The following TRPM3 variants were observed in gnomAD, a reference collection of about 807,000 sequenced individuals.
The protein encoded by TRPM3 is long transient receptor potential channel 3.
TRPM3 carries 77 observed loss-of-function variants against 181.2 expected under a neutral mutation model. The ratio of observed to expected loss-of-function variants is 0.42; its 90% CI spans 0.35 to 0.51. TRPM3 has a LOEUF of 0.51. TRPM3 is among the 20% of genes least tolerant of loss of function. TRPM3 has a pLI of 0.01. For synonymous variants in TRPM3, 745 were observed against 796.4 expected, an observed-to-expected ratio of 0.94 and a Z score of 1.09; for missense variants, 1,759 against 2,196.7, an observed-to-expected ratio of 0.80 and a Z score of 3.98.
intron 1 of TRPM3, among the ~76,000 whole-genome samples, chr9:71,320,412 A>G (rs928560412): frequency 6.6e-6 from 1 of 152,190 alleles, no homozygotes; most frequent in Non-Finnish European, 1.5e-5. Flanking sequence ...GGAAAGGACT[A>G]GACCAACATA....
intron 1 of TRPM3, among the ~76,000 whole-genome samples, chr9:71,299,297 T>C (rs1206487144): frequency 1.3e-5 from 2 of 152,202 alleles, no homozygotes; most frequent in African/African-American, 4.8e-5. Flanking sequence ...GTATTTATTT[T>C]AATCACCCAA....
chr9:71,346,137 G>T (rs1033247333), intron 1 of TRPM3, among the ~76,000 whole-genome samples: 1 of 152,124 alleles, frequency 6.6e-6, no homozygotes, highest in African/African-American at 2.4e-5. Context: ...TCTACCAACA[G>T]ATATGTGGAT....
intron 22 of TRPM3, among the ~76,000 whole-genome samples, chr9:70,559,161 G>C (rs1047018910): frequency 2.0e-5 from 3 of 152,160 alleles, no homozygotes; most frequent in African/African-American, 4.8e-5. Flanking sequence ...TGTCTCTCTT[G>C]TTCACTAAAC....
intron 1 of TRPM3, among the ~76,000 whole-genome samples, chr9:71,237,500 C>T (rs1239467169): frequency 2.0e-5 from 3 of 152,142 alleles, no homozygotes; most frequent in African/African-American, 7.2e-5. Flanking sequence ...ACATTTTCTA[C>T]TTATCATTTA....
chr9:71,319,551 T>C (rs1307356297), intron 1 of TRPM3, among the ~76,000 whole-genome samples: 1 of 151,906 alleles, frequency 6.6e-6, no homozygotes, highest in African/African-American at 2.4e-5. Context: ...TGAGGGTGAG[T>C]CTCTTTATTC....
At chr9:71,352,577 G>A (rs576550362) in intron 1 of TRPM3, among the ~76,000 whole-genome samples, 1 of 152,268 alleles carries the variant, frequency 6.6e-6, no homozygotes, top group East Asian at 1.9e-4. Flanking sequence ...TGGTCACATG[G>A]TTCACATGCA....
At chr9:71,112,358 G>A (rs2071306270) in intron 1 of TRPM3, among the ~76,000 whole-genome samples, 1 of 152,254 alleles carries the variant, frequency 6.6e-6, no homozygotes, top group Non-Finnish European at 1.5e-5. Context: ...GATATCTGGT[G>A]CTACCTACAA....
chr9:71,214,770 G>A (rs2079737281), intron 1 of TRPM3, among the ~76,000 whole-genome samples: 1 of 152,052 alleles, frequency 6.6e-6, no homozygotes, highest in South Asian at 2.1e-4. Context: ...AATATTCCAT[G>A]TATTCTTATA....
intron 1 of TRPM3, among the ~76,000 whole-genome samples, chr9:71,360,601 C>G (rs1261551088): frequency 6.6e-6 from 1 of 152,166 alleles, no homozygotes; most frequent in Non-Finnish European, 1.5e-5. Flanking sequence ...TCATGCTGCT[C>G]TCATGAGCTT....
intron 21 of TRPM3, among the ~76,000 whole-genome samples, chr9:70,597,295 C>CT (rs1185544601): frequency 6.6e-6 from 1 of 152,158 alleles, no homozygotes; most frequent in Non-Finnish European, 1.5e-5. Flanking sequence ...TGGTCTCAGA[C>CT]TCCTGGGCTC....
intron 1 of TRPM3, among the ~76,000 whole-genome samples, chr9:71,185,093 C>T (rs2077601100): frequency 6.6e-6 from 1 of 152,054 alleles, no homozygotes; most frequent in Non-Finnish European, 1.5e-5. Context: ...AACCAAGTGT[C>T]TTTTCAAAGA....
intron 1 of TRPM3, among the ~76,000 whole-genome samples, chr9:71,000,365 C>T (rs1158320812): frequency 6.6e-6 from 1 of 152,138 alleles, no homozygotes; most frequent in Non-Finnish European, 1.5e-5. Flanking sequence ...TTCCAAAATA[C>T]TGCTAAGTTT....
chr9:71,090,651 G>A (rs1003161772), intron 1 of TRPM3, among the ~76,000 whole-genome samples: 6 of 152,054 alleles, frequency 3.9e-5, no homozygotes, highest in Admixed American at 1.3e-4. Context: ...GAGGAGTCCG[G>A]CAGCACAGAC....
At chr9:70,904,112 C>T (rs2096427949) in intron 1 of TRPM3, among the ~76,000 whole-genome samples, 1 of 152,146 alleles carries the variant, frequency 6.6e-6, no homozygotes, top group Non-Finnish European at 1.5e-5. Flanking sequence ...GTCCCAACTA[C>T]TCGGGCAGCT....
intron 1 of TRPM3, among the ~76,000 whole-genome samples, chr9:71,373,358 T>G (rs2092579186): frequency 1.4e-5 from 2 of 142,078 alleles, no homozygotes; most frequent in African/African-American, 5.2e-5. Flanking sequence ...TTGAAAAAAA[T>G]TACAAAACAG....
At chr9:70,787,763 C>CTTTATTTTTTTTTTTTTTTTTTTGT (rs2084042875) in intron 6 of TRPM3, among the ~76,000 whole-genome samples, 1 of 68,558 alleles carries the variant, frequency 1.5e-5, no homozygotes, top group African/African-American at 5.8e-5. Context: ...TTTTTGGATT[C>CTTTATTTTTTTTTTTTTTTTTTTGT]TTTTTTTTTT....
In TRPM3 at chr9:70,786,311, CAAAAAAAAA is replaced by C. The variant is rs71367227; in HGVS notation, c.974-2041_974-2033del. Reference sequence around the variant, plus strand: ...GAAACCCTGTCACTACTAAAAATACCAAAAAAAAAAAAAAAAAAAAAAAATTAGCTGGGC... The same window carrying C: ...GAAACCCTGTCACTACTAAAAATACCAAAAAAAAAAAAAAATTAGCTGGGC... On this transcript the variant is annotated intron_variant, in intron 6 of 25. Transcript: ENST00000677713. Among the ~76,000 whole-genome samples the C allele has an allele frequency of 7.3e-5, 4 of 54,472 alleles. No individual in the cohort carries two copies. In the East Asian group the frequency reaches 1.6e-3, roughly 21 times the overall value. The allele number at this position is 54,472 out of a possible 152,430, so 35.7% of individuals were successfully genotyped here.
intron 1 of TRPM3, among the ~76,000 whole-genome samples, chr9:71,269,142 C>A (rs1232359766): frequency 6.6e-6 from 1 of 152,128 alleles, no homozygotes; most frequent in Non-Finnish European, 1.5e-5. Flanking sequence ...ATAATAAGAA[C>A]AATGTTTAGT....
At chr9:71,277,440 A>G (rs1373383063) in intron 1 of TRPM3, among the ~76,000 whole-genome samples, 1 of 152,180 alleles carries the variant, frequency 6.6e-6, no homozygotes, top group African/African-American at 2.4e-5. Flanking sequence ...TTTGTTTGTT[A>G]TAAATAGTTT....
Sources: allele counts gnomAD v4.1 joint callset (sites outside exome capture counted in the v4.1 genomes callset), GRCh38; gene constraint gnomAD v4.1.1; transcripts MANE v1.5; gene names NCBI Gene and HGNC (gene_info 2026-07-23, HGNC 2026-07-21).